Variants in CSMD1 observed in about 807,000 individuals in gnomAD.
CSMD1 encodes CUB and sushi domain-containing protein 1.
Under a neutral mutation model 417.5 loss-of-function variants are expected in CSMD1, and 213 were observed. The ratio of observed to expected loss-of-function variants is 0.51; its 90% confidence interval spans 0.46 to 0.57. The LOEUF (loss-of-function observed/expected upper bound fraction) is 0.57. Among genes scored for constraint, CSMD1 ranks in the 20% least tolerant of loss-of-function variants. The probability of loss-of-function intolerance (pLI) is 0.00; values close to 1 mark genes in which losing one functional copy is unlikely to be tolerated. For missense variants in CSMD1, 6,923 were observed against 4,529.7 expected (o/e 1.53, Z -15.17); for synonymous variants, 2,862 against 1,736.8 (o/e 1.65, Z -16.11).
intron 3 of CSMD1, among the ~76,000 whole-genome samples, chr8:4,348,081 G>C (rs1027463573): frequency 2.0e-5 from 3 of 152,136 alleles, no homozygotes; most frequent in Non-Finnish European, 4.4e-5. Flanking sequence ...AAACAAACCA[G>C]TGGCCCAGGA....
At chr8:3,047,236 A>G in intron 50 of CSMD1, among the ~76,000 whole-genome samples, 1 of 143,192 alleles carries the variant, frequency 7.0e-6, no homozygotes, top group Non-Finnish European at 1.6e-5. Flanking sequence ...AAAAAAAAAA[A>G]AAGAGTTGCT....
chr8:3,425,528 C>A (rs1038916932), intron 12 of CSMD1, among the ~76,000 whole-genome samples: 2 of 138,784 alleles, frequency 1.4e-5, no homozygotes, highest in Non-Finnish European at 3.0e-5. Flanking sequence ...GTGGAGGTTG[C>A]AGTGATCTGA....
Position 3,674,935 on chromosome 8 carries a change from C to G in CSMD1, c.1009+33479G>C, listed in dbSNP as rs529478966. 3.9e-5 allele frequency among the ~76,000 whole-genome samples: 6 copies of G among 152,278 alleles called. No individual in the cohort carries two copies. The East Asian group carries it at 9.7e-4, about 25-fold the overall frequency. ...AATGAACTTATGCAACACGTCACCC[C>G]CTAAGCCTCTGTAGGCCAAAAACAT... On this transcript the variant is annotated intron_variant, in intron 7 of 69. Coordinates refer to ENST00000635120, the MANE Select transcript of CSMD1 (RefSeq NM_033225.6).
intron 7 of CSMD1, among the ~76,000 whole-genome samples, chr8:3,646,676 G>C (rs1032231292): frequency 1.3e-4 from 20 of 152,134 alleles, no homozygotes; most frequent in African/African-American, 4.8e-4. Context: ...GACTTGCATT[G>C]TTTCACACCT....
chr8:4,500,893 A>C (rs1448569237), intron 2 of CSMD1, among the ~76,000 whole-genome samples: 1 of 152,164 alleles, frequency 6.6e-6, no homozygotes, highest in Non-Finnish European at 1.5e-5. Flanking sequence ...TCTCTGCACT[A>C]AACAAAGGTG....
chr8:3,542,520 T>G (rs1798483456), intron 10 of CSMD1, among the ~76,000 whole-genome samples: 1 of 152,166 alleles, frequency 6.6e-6, no homozygotes, highest in Non-Finnish European at 1.5e-5. Context: ...ACATCCTGTG[T>G]CAGATGCTGG....
intron 1 of CSMD1, among the ~76,000 whole-genome samples, chr8:4,979,743 A>T (rs191639701): frequency 5.3e-5 from 8 of 152,218 alleles, no homozygotes; most frequent in South Asian, 2.1e-4. Flanking sequence ...GATATAAAAC[A>T]TATTAACTAG....
chr8:3,889,604 T>A (rs1806816509), intron 5 of CSMD1, among the ~76,000 whole-genome samples: 1 of 150,228 alleles, frequency 6.7e-6, no homozygotes, highest in Admixed American at 6.7e-5. Context: ...CATTAGGTCA[T>A]AAGTTCACTC....
intron 1 of CSMD1, among the ~76,000 whole-genome samples, chr8:4,874,014 G>C (rs984702481): frequency 6.6e-6 from 1 of 152,046 alleles, no homozygotes; most frequent in Admixed American, 6.5e-5. Context: ...TGTTGTAATC[G>C]CATGATTAGT....
chr8:3,293,390 A>T (rs963078888), intron 25 of CSMD1, among the ~76,000 whole-genome samples: 2 of 151,992 alleles, frequency 1.3e-5, no homozygotes, highest in Admixed American at 6.6e-5. Flanking sequence ...TAGATTGGGG[A>T]ATTTCTCCTG....
intron 5 of CSMD1, among the ~76,000 whole-genome samples, chr8:3,782,659 T>C (rs937977628): frequency 2.6e-5 from 4 of 152,188 alleles, no homozygotes; most frequent in African/African-American, 7.2e-5. Flanking sequence ...AAAAATGCTA[T>C]ATATTCTCAG....
intron 46 of CSMD1, among the ~76,000 whole-genome samples, chr8:3,101,880 C>G (rs796943641): frequency 6.8e-6 from 1 of 146,610 alleles, no homozygotes; most frequent in African/African-American, 2.5e-5. Flanking sequence ...CAGCTCACTG[C>G]AACCTCCACA....
rs376798126 is a variant in CSMD1 at position 3,343,211 on chromosome 8, T to C, written c.3631+83A>G. 84 of 1,220,526 alleles carry C rather than the reference T, an allele frequency of 6.9e-5. No homozygotes were observed. The South Asian group carries it at 1.1e-3, about 17-fold the overall frequency. The allele number at this position is 1,220,526 out of a possible 1,614,324, so 75.6% of individuals were successfully genotyped here. On this transcript the variant is annotated intron_variant, in intron 23 of 69. Transcript: ENST00000635120. ...CAGTAGGCAGCCAGAAAAAAATCAA[T>C]ATTTAAAACTTAATATAAGCCAAGT...
chr8:3,879,762 T>C (rs1806079530), intron 5 of CSMD1, among the ~76,000 whole-genome samples: 1 of 152,204 alleles, frequency 6.6e-6, no homozygotes, highest in African/African-American at 2.4e-5. Context: ...CGTTTTTCTA[T>C]GAACTAACAT....
chr8:4,654,020 A>T (rs1485619494), intron 1 of CSMD1, among the ~76,000 whole-genome samples: 5 of 152,144 alleles, frequency 3.3e-5, no homozygotes, highest in Non-Finnish European at 4.4e-5. Context: ...TGTAAACCTG[A>T]ATTGACTTCA....
intron 5 of CSMD1, among the ~76,000 whole-genome samples, chr8:3,918,558 T>C (rs1808994727): frequency 6.6e-6 from 1 of 152,188 alleles, no homozygotes; most frequent in African/African-American, 2.4e-5. Flanking sequence ...TTGAAGTATA[T>C]GCATTTCTTA....
intron 2 of CSMD1, among the ~76,000 whole-genome samples, chr8:4,585,209 C>T (rs914821892): frequency 6.6e-6 from 1 of 151,804 alleles, no homozygotes; most frequent in Admixed American, 6.6e-5. Flanking sequence ...AAATAAAGAG[C>T]ACCATAAAGA....
At chr8:3,252,309 A>G (rs566548539) in intron 26 of CSMD1, among the ~76,000 whole-genome samples, 14 of 152,296 alleles carry the variant, frequency 9.2e-5, no homozygotes, top group Middle Eastern at 3.4e-3. Context: ...TTCTGCATCT[A>G]TTGGGATTAT....
At chr8:3,443,179 A>G (rs1414242803) in intron 12 of CSMD1, among the ~76,000 whole-genome samples, 1 of 152,218 alleles carries the variant, frequency 6.6e-6, no homozygotes, top group Non-Finnish European at 1.5e-5. Flanking sequence ...CTGCAAAAAA[A>G]TGTGAGAGGA....
Sources: allele counts gnomAD v4.1 joint callset (sites outside exome capture counted in the v4.1 genomes callset), GRCh38; gene constraint gnomAD v4.1.1; transcripts MANE v1.5; gene names NCBI Gene and HGNC (gene_info 2026-07-23, HGNC 2026-07-21).